The following C12orf75 variants were observed in gnomAD, a reference collection of about 807,000 sequenced individuals.
C12orf75 encodes overexpressed in colon carcinoma 1 protein.
A neutral mutation model predicts 11.4 loss-of-function variants in C12orf75; 4 were observed. The ratio of observed to expected loss-of-function variants is 0.35; its 90% CI spans 0.17 to 0.80. The LOEUF (loss-of-function observed/expected upper bound fraction) is 0.80. Among genes scored for constraint, C12orf75 ranks in the 30% least tolerant of loss-of-function variants. The pLI is 0.52. For synonymous variants in C12orf75, 30 were observed against 30.0 expected (o/e 1.00, Z 0.00); for missense variants, 89 against 80.4 (o/e 1.11, Z -0.41).
intron 1 of C12orf75, 23 bp downstream of exon 1, chr12:105,330,960 G>A (rs1298911288): frequency 1.7e-6 from 2 of 1,201,680 alleles, no homozygotes; most frequent in Non-Finnish European, 2.1e-6. Context: ...GGAGGCGGGG[G>A]CCGGCGGGGG....
At chr12:105,348,728 C>A in intron 2 of C12orf75, 102 bp downstream of exon 2, 1 of 692,046 alleles carries the variant, frequency 1.4e-6, no homozygotes, top group South Asian at 2.2e-5. Flanking sequence ...GCTGAAAAGA[C>A]ATGGAAATAC....
intron 2 of C12orf75, among the ~76,000 whole-genome samples, chr12:105,364,526 C>A (rs1481691116): frequency 6.6e-6 from 1 of 152,108 alleles, no homozygotes; most frequent in Non-Finnish European, 1.5e-5. Context: ...CTGGCTGTTG[C>A]AATAAAGCAA....
intron 4 of C12orf75, 141 bp downstream of exon 4, chr12:105,366,837 A>G: frequency 1.9e-6 from 1 of 513,122 alleles, no homozygotes; most frequent in Non-Finnish European, 3.5e-6. Context: ...CTGTCTGTTC[A>G]TTGCAGTCAT....
rs188217787 is a variant in C12orf75 at position 105,351,458 on chromosome 12, T to A, written c.71+2832T>A. Among the ~76,000 whole-genome samples the A allele has an allele frequency of 5.9e-5, 9 of 152,358 alleles. No individual in the cohort carries two copies. The East Asian group carries it at 1.5e-3, about 26-fold the overall frequency. On this transcript the variant is annotated intron_variant, in intron 2 of 5. Coordinates refer to ENST00000443585, the MANE Select transcript of C12orf75 (RefSeq NM_001145199.2). Reference sequence around the variant, plus strand: ...CTGCAATTTTTACTACTCGTTTTTCTTATTTATTTGCTGTTTTCTATAGGT... The same window carrying A: ...CTGCAATTTTTACTACTCGTTTTTCATATTTATTTGCTGTTTTCTATAGGT...
chr12:105,353,532 G>A (rs896315989), intron 2 of C12orf75: 2 of 152,090 alleles, frequency 1.3e-5, no homozygotes, highest in African/African-American at 4.8e-5. Flanking sequence ...GCAGAAGAGG[G>A]GTGATTCCCC....
At chr12:105,350,458 G>T (rs894684397) in intron 2 of C12orf75, among the ~76,000 whole-genome samples, 11 of 152,168 alleles carry the variant, frequency 7.2e-5, no homozygotes, top group African/African-American at 2.7e-4. Context: ...GTGTTTTGCT[G>T]TGCCCACTGC....
At position 105,351,655 on chromosome 12, in the gene C12orf75, A is replaced by T. The variant is rs1178591903; in HGVS notation, c.71+3029A>T. Among the ~76,000 whole-genome samples, 3 of 152,060 alleles carry T rather than the reference A, an allele frequency of 2.0e-5. No homozygotes were observed. In the South Asian group the frequency reaches 6.2e-4, roughly 32 times the overall value. ...AGAGTTCATGCAGAAAAGGAGAAAAATGGCAACCCATGGCAGAGGACAAGC... is the reference window on the plus strand; with the variant it reads ...AGAGTTCATGCAGAAAAGGAGAAAATTGGCAACCCATGGCAGAGGACAAGC... On this transcript the variant is annotated intron_variant, in intron 2 of 5. Coordinates refer to ENST00000443585, the MANE Select transcript of C12orf75 (RefSeq NM_001145199.2).
chr12:105,361,185 C>T (rs1220176971), intron 2 of C12orf75, among the ~76,000 whole-genome samples: 1 of 152,160 alleles, frequency 6.6e-6, no homozygotes, highest in Non-Finnish European at 1.5e-5. Context: ...CACACCACCA[C>T]ACCTGGCTAC....
chr12:105,358,358 CA>C (rs1399367701), intron 2 of C12orf75, among the ~76,000 whole-genome samples: 1 of 151,880 alleles, frequency 6.6e-6, no homozygotes, highest in Non-Finnish European at 1.5e-5. Flanking sequence ...TCTACAAAAC[CA>C]AAAAACATAT....
At chr12:105,350,246 G>A (rs1283923342) in intron 2 of C12orf75, among the ~76,000 whole-genome samples, 1 of 152,130 alleles carries the variant, frequency 6.6e-6, no homozygotes, top group East Asian at 1.9e-4. Flanking sequence ...TATTCCCATC[G>A]TCCTCTGGAC....
intron 1 of C12orf75, among the ~76,000 whole-genome samples, chr12:105,338,852 C>T (rs180691109): frequency 4.6e-5 from 7 of 152,286 alleles, no homozygotes; most frequent in Admixed American, 2.6e-4. Flanking sequence ...GCCCAAACAC[C>T]TCCCATTAGA....
intron 2 of C12orf75, among the ~76,000 whole-genome samples, chr12:105,361,805 A>C (rs1171703215): frequency 2.0e-5 from 3 of 152,170 alleles, no homozygotes; most frequent in Non-Finnish European, 4.4e-5. Context: ...AGCTCAACAC[A>C]AGGGCTTGGA....
At chr12:105,343,445 T>C (rs1223195975) in intron 1 of C12orf75, among the ~76,000 whole-genome samples, 2 of 152,224 alleles carry the variant, frequency 1.3e-5, no homozygotes, top group African/African-American at 4.8e-5. Context: ...ATAAAGCACA[T>C]GAACCACAGA....
rs1398629621 is a variant in C12orf75, at chr12:105,371,191, C to T, written c.*591C>T. The T allele has an allele frequency of 6.5e-6, 1 of 153,688 alleles. No homozygotes were observed. Among genetic ancestry groups the T allele is most frequent in the African/African-American group, 2.4e-5 (1 of 41,346 alleles). 9.5% of individuals were successfully genotyped at this position (153,688 alleles called of 1,614,324 possible). A position where few individuals can be genotyped will look rare whatever the true frequency, so the allele number is the denominator to read the frequency against. ...AATTTCATTTAAATGTCAGAATTTC[C>T]TTTTTTAGGAACAATGTGTATTTCA... On this transcript the variant is annotated 3_prime_UTR_variant, in exon 6 of 6. Transcript: ENST00000443585.
At chr12:105,345,587 G>A (rs1260149240) in intron 1 of C12orf75, among the ~76,000 whole-genome samples, 4 of 150,884 alleles carry the variant, frequency 2.7e-5, no homozygotes, top group Non-Finnish European at 5.9e-5. Context: ...TTTGTGGGGG[G>A]AAATCTGTAT....
intron 5 of C12orf75, among the ~76,000 whole-genome samples, chr12:105,369,490 G>A (rs1465838707): frequency 6.6e-6 from 1 of 151,614 alleles, no homozygotes; most frequent in Non-Finnish European, 1.5e-5. Flanking sequence ...TGTGCTGAAC[G>A]TGCAGGCTTG....
intron 2 of C12orf75, among the ~76,000 whole-genome samples, chr12:105,356,439 C>CTTTTTTTTTTTTT (rs77310165): frequency 1.9e-5 from 2 of 106,332 alleles, no homozygotes; most frequent in Non-Finnish European, 1.9e-5. Flanking sequence ...AGACTACAGG[C>CTTTTTTTTTTTTT]TTTTTTTTTT....
chr12:105,335,688 C>G (rs1892492034), intron 1 of C12orf75, among the ~76,000 whole-genome samples: 1 of 151,158 alleles, frequency 6.6e-6, no homozygotes, highest in African/African-American at 2.4e-5. Flanking sequence ...CTTGTTTTCT[C>G]TCTGTGTGAA....
intron 2 of C12orf75, among the ~76,000 whole-genome samples, chr12:105,361,099 C>T (rs900761263): frequency 6.6e-5 from 10 of 152,066 alleles, no homozygotes; most frequent in Admixed American, 2.0e-4. Flanking sequence ...AAGGAATCAA[C>T]GTACCCTTTT....
Sources: gnomAD v4.1 joint callset for allele counts (sites outside exome capture counted in the v4.1 genomes callset) on GRCh38, gnomAD v4.1.1 for gene constraint, MANE v1.5 for transcripts, NCBI Gene and HGNC (gene_info 2026-07-23, HGNC 2026-07-21) for gene names.